The following EXPH5 variants were observed in gnomAD, a reference collection of about 807,000 sequenced individuals.
EXPH5 encodes exophilin 5, also known as exophilin-5.
In EXPH5, 42 loss-of-function variants were observed where a neutral mutation model predicts 41.1. The ratio of observed to expected loss-of-function variants is 1.02; its 90% confidence interval spans 0.80 to 1.32. The LOEUF is 1.32. Ranked by LOEUF, EXPH5 falls within the 40% of genes most tolerant of loss-of-function variation. The pLI is 0.00. For synonymous variants in EXPH5, 798 were observed against 833.5 expected, an observed-to-expected ratio of 0.96 and a Z score of 0.73; for missense variants, 2,298 against 2,314.5, an observed-to-expected ratio of 0.99 and a Z score of 0.15.
At chr11:108,585,567 C>A (rs549185515) in intron 1 of EXPH5, among the ~76,000 whole-genome samples, 15 of 152,324 alleles carry the variant, frequency 9.8e-5, no homozygotes, top group South Asian at 8.3e-4. Flanking sequence ...GAACTATAAG[C>A]AATAGATTTC....
intron 1 of EXPH5, among the ~76,000 whole-genome samples, chr11:108,564,903 C>CT (rs34384478): frequency 0.63 from 74,270 of 118,012 alleles, 24,951 homozygotes; most frequent in East Asian, 0.72. Flanking sequence ...ATATGTGTAG[C>CT]TTTTTTTTTT....
rs924348000 is a variant in EXPH5 at position 108,510,369 on chromosome 11, T to G, written c.5138A>C (p.His1713Pro). ...TGCTGTGACGTCTTTAGAATTCTCATGCTTTGATGGTGATTCTGAGACGTT... is the reference window on the plus strand; with the variant it reads ...TGCTGTGACGTCTTTAGAATTCTCAGGCTTTGATGGTGATTCTGAGACGTT... The part of the protein sequence containing the change: ...FKNVSESPSK[H>P]ENSKDVTAAQ... The change falls in exon 6 of 6, where the codon CAT (histidine) becomes CCT (proline). Residue 1713 changes from histidine to proline, a missense_variant. Physicochemically the swap from His to Pro is moderately conservative, Grantham distance 77 (BLOSUM62 -2). Transcript: ENST00000265843. 1.2e-6 allele frequency: 2 copies of G among 1,614,202 alleles called. No individual in the cohort carries two copies. The highest frequency in any genetic ancestry group is 2.7e-5 in the African/African-American group (2 of 75,048).
chr11:108,581,269 A>G (rs1295841972), intron 1 of EXPH5, among the ~76,000 whole-genome samples: 2 of 152,108 alleles, frequency 1.3e-5, no homozygotes, highest in Non-Finnish European at 2.9e-5. Context: ...GCACCACTGC[A>G]CTCCAGCCTG....
At chr11:108,581,454 T>C (rs1225597411) in intron 1 of EXPH5, among the ~76,000 whole-genome samples, 1 of 152,166 alleles carries the variant, frequency 6.6e-6, no homozygotes, top group Non-Finnish European at 1.5e-5. Flanking sequence ...CCATGTATTA[T>C]ACGTATCAAA....
chr11:108,565,262 A>G (rs563280079), intron 1 of EXPH5, among the ~76,000 whole-genome samples: 1 of 152,268 alleles, frequency 6.6e-6, no homozygotes, highest in South Asian at 2.1e-4. Context: ...TAGCCCAGGT[A>G]CCATTTAAAA....
At chr11:108,532,366 A>AT (rs1168217383) in intron 3 of EXPH5, among the ~76,000 whole-genome samples, 23 of 32,138 alleles carry the variant, frequency 7.2e-4, no homozygotes, top group Admixed American at 1.6e-3. Flanking sequence ...ATATATATAT[A>AT]TTTTTTTTTT....
intron 4 of EXPH5, among the ~76,000 whole-genome samples, chr11:108,522,466 CA>C (rs1390349987): frequency 2.0e-5 from 3 of 152,142 alleles, no homozygotes; most frequent in Admixed American, 1.3e-4. Flanking sequence ...TTCAAGAGGT[CA>C]GGTCATTTGC....
intron 1 of EXPH5, among the ~76,000 whole-genome samples, chr11:108,550,532 A>G (rs2093958850): frequency 6.6e-6 from 1 of 152,174 alleles, no homozygotes. Context: ...AAATCCCATC[A>G]CTTTGGGAGA....
At chr11:108,552,642 A>G (rs2093971930) in intron 1 of EXPH5, among the ~76,000 whole-genome samples, 1 of 152,212 alleles carries the variant, frequency 6.6e-6, no homozygotes, top group Non-Finnish European at 1.5e-5. Flanking sequence ...TGACCATTGT[A>G]TGGTAGCTCA....
intron 1 of EXPH5, among the ~76,000 whole-genome samples, chr11:108,550,313 T>C (rs1163607064): frequency 6.6e-6 from 1 of 152,162 alleles, no homozygotes; most frequent in African/African-American, 2.4e-5. Context: ...CAGAGAGCCA[T>C]TGCCAACTAC....
intron 1 of EXPH5, among the ~76,000 whole-genome samples, chr11:108,573,139 G>GGAAAGAAAGAAAGAAAGAAAGAAA (rs3054581): frequency 7.7e-5 from 7 of 90,558 alleles, no homozygotes; most frequent in East Asian, 6.1e-4. Context: ...AAGGAAAGAA[G>GGAAAGAAAGAAAGAAAGAAAGAAA]GAAAGAAAGA....
At chr11:108,597,923 A>G (rs764508002), upstream of EXPH5, among the ~76,000 whole-genome samples, 20 of 152,244 alleles carry the variant, frequency 1.3e-4, no homozygotes, top group Non-Finnish European at 2.9e-4. Flanking sequence ...TGGAATGTCT[A>G]CTATCCATTG....
chr11:108,550,781 AAAATAAATAAAT>A (rs997724496), intron 1 of EXPH5, among the ~76,000 whole-genome samples: 5 of 152,104 alleles, frequency 3.3e-5, no homozygotes, highest in Non-Finnish European at 7.4e-5. Flanking sequence ...TTCGTCTCAA[AAAATAAATAAAT>A]AAATAAATAA....
chr11:108,523,206 T>A (rs576098391), intron 4 of EXPH5, among the ~76,000 whole-genome samples: 1 of 152,308 alleles, frequency 6.6e-6, no homozygotes. Context: ...ACAAAATTAC[T>A]CATTTATTTT....
chr11:108,556,608 G>T (rs1221330351), intron 1 of EXPH5, among the ~76,000 whole-genome samples: 2 of 152,104 alleles, frequency 1.3e-5, no homozygotes, highest in African/African-American at 4.8e-5. Flanking sequence ...GAGTAGCTGG[G>T]ATTACAGTAG....
rs768906035 is a variant in EXPH5 at position 108,512,677 on chromosome 11, C to T, written c.2830G>A (p.Glu944Lys). The change falls in exon 6 of 6, where the codon GAG becomes AAG. Residue 944 changes from glutamate (E) to lysine (K), a missense_variant. Transcript: ENST00000265843. ...QFIVSHSENQERNDSPVPTHD... is the reference protein window; with the variant it reads ...QFIVSHSENQKRNDSPVPTHD... ...GTAGGCACAGGACTATCATTTCTCT[C>T]TTGGTTTTCTGAGTGGCTTACAATA... is the stretch of plus-strand genomic sequence containing the variant. 2 of 1,614,150 alleles carry T rather than the reference C, an allele frequency of 1.2e-6. No homozygotes were observed. The highest frequency in any genetic ancestry group is 1.7e-6 in the Non-Finnish European group (2 of 1,180,012).
chr11:108,514,018 T>C lies in EXPH5; in HGVS notation c.1489A>G (p.Arg497Gly), dbSNP rs749815262. ...CTGTCAGAAGAACTGAATGATTTCC[T>C]GCTTCGATGAAAGTCAGACCAGAAA... ...HSFWSDFHRS[R>G]KSFSSSDRDF... is the part of the protein sequence containing the mutation. Residue 497 changes from arginine (R) to glycine (G), a missense_variant, in exon 6 of 6, where the codon AGG becomes GGG. By Grantham distance (125) the Arg-to-Gly change is moderately radical (BLOSUM62 -2). Coordinates refer to ENST00000265843, the MANE Select transcript of EXPH5 (RefSeq NM_015065.3). 6.2e-7 allele frequency: 1 copy of C among 1,613,928 alleles called. No homozygotes were observed. The highest frequency in any genetic ancestry group is 8.5e-7 in the Non-Finnish European group (1 of 1,179,950).
intron 3 of EXPH5, among the ~76,000 whole-genome samples, chr11:108,530,540 G>C (rs1370919565): frequency 6.6e-6 from 1 of 152,204 alleles, no homozygotes; most frequent in African/African-American, 2.4e-5. Context: ...CAGCAAGGGA[G>C]GCCGGGGACT....
chr11:108,522,012 C>T (rs1441685999), intron 4 of EXPH5, among the ~76,000 whole-genome samples: 10 of 152,100 alleles, frequency 6.6e-5, no homozygotes, highest in Admixed American at 5.2e-4. Context: ...CCTCTAGAGA[C>T]CCTGAGTATA....
Sources: allele counts gnomAD v4.1 joint callset (sites outside exome capture counted in the v4.1 genomes callset), GRCh38; gene constraint gnomAD v4.1.1; transcripts MANE v1.5; gene names NCBI Gene and HGNC (gene_info 2026-07-23, HGNC 2026-07-21).